C4orf51: variants seen among roughly 807,000 people sequenced by gnomAD.
The protein encoded by C4orf51 is chromosome 4 open reading frame 51.
C4orf51 carries 25 observed loss-of-function variants against 25.2 expected under a neutral mutation model. The ratio of observed to expected loss-of-function variants is 0.99; its 90% CI spans 0.72 to 1.39. The LOEUF (loss-of-function observed/expected upper bound fraction) is 1.39. Ranked by LOEUF, C4orf51 falls within the 40% of genes most tolerant of loss-of-function variation. C4orf51 has a pLI of 0.00. For missense variants in C4orf51, 252 were observed against 239.6 expected (o/e 1.05, Z -0.34); for synonymous variants, 100 against 84.5 (o/e 1.18, Z -1.01).
intron 1 of C4orf51, among the ~76,000 whole-genome samples, chr4:145,683,303 G>T (rs1196889342): frequency 2.6e-5 from 4 of 152,166 alleles, no homozygotes; most frequent in Admixed American, 2.6e-4. Context: ...TAGGAAGACT[G>T]AACATTATCA....
downstream of C4orf51, chr4:145,759,347 C>T (rs1271446497): frequency 6.6e-6 from 1 of 152,208 alleles, no homozygotes; most frequent in African/African-American, 2.4e-5. Context: ...AACCAACCCA[C>T]ACCTGCTTCC....
At position 145,765,922 on chromosome 4, in the gene C4orf51, G is replaced by A. The variant is rs1735218387; in HGVS notation, n.167-5066G>A. Among the ~76,000 whole-genome samples, 2 of 152,142 alleles carry A rather than the reference G, an allele frequency of 1.3e-5. No individual in the cohort carries two copies. Among genetic ancestry groups the A allele is most frequent in the South Asian group, 4.1e-4 (2 of 4,832 alleles). Reference sequence around the variant, plus strand: ...AGGCACCTACCTCCTTTGTGGTACTGGGGGCCAAGAGCAGGCATTCATTAA... The same window carrying A: ...AGGCACCTACCTCCTTTGTGGTACTAGGGGCCAAGAGCAGGCATTCATTAA... On this transcript the variant is annotated intron_variant and non_coding_transcript_variant, in intron 1 of 1. Coordinates refer to the C4orf51 transcript ENST00000510096. The surrounding 1 kb of genome is among the most constrained non-coding windows in gnomAD (Gnocchi z 4.7).
At chr4:145,744,567 A>C (rs1184840016) in intron 1 of C4orf51, among the ~76,000 whole-genome samples, 1 of 151,788 alleles carries the variant, frequency 6.6e-6, no homozygotes, top group African/African-American at 2.4e-5. Flanking sequence ...CACACCTCTA[A>C]TCCCAGCACT....
intron 1 of C4orf51, among the ~76,000 whole-genome samples, chr4:145,742,957 A>G (rs1174506888): frequency 1.3e-5 from 2 of 152,218 alleles, no homozygotes; most frequent in African/African-American, 2.4e-5. Flanking sequence ...TATTTGGCAG[A>G]TAAAATAAAC....
chr4:145,709,064 T>C (rs1730991549), intron 2 of C4orf51, among the ~76,000 whole-genome samples: 2 of 152,290 alleles, frequency 1.3e-5, no homozygotes, highest in South Asian at 4.1e-4. Context: ...GAAGCCTTCA[T>C]ATGCTCACAA....
chr4:145,747,615 AAGATTTTTTCATCAATATCAGTG>A (rs1444199521), intron 1 of C4orf51, among the ~76,000 whole-genome samples: 127 of 152,046 alleles, frequency 8.4e-4, no homozygotes, highest in African/African-American at 2.9e-3. Flanking sequence ...TGTTTTGTTG[AAGATTTTTTCATCAATATCAGTG>A]ACATTGATCT....
At chr4:145,724,698 A>C (rs1054617363) in intron 2 of C4orf51, among the ~76,000 whole-genome samples, 1 of 152,048 alleles carries the variant, frequency 6.6e-6, no homozygotes, top group African/African-American at 2.4e-5. Flanking sequence ...CCTGGGTAAT[A>C]GAGTGAGAAC....
At chr4:145,739,854 A>G (rs1007033199) in intron 1 of C4orf51, among the ~76,000 whole-genome samples, 1 of 152,170 alleles carries the variant, frequency 6.6e-6, no homozygotes, top group Non-Finnish European at 1.5e-5. Context: ...TTGAGCTCCT[A>G]GTTGTTAGAT....
At position 145,765,053 on chromosome 4, in the gene C4orf51, G is replaced by C; in HGVS notation, n.167-5935G>C. ...CCAGCAGCTGTTCGGGGGTCTTCAT[G>C]AACTTGTGGCACACATCACACTCAA... On this transcript the variant is annotated intron_variant and non_coding_transcript_variant, in intron 1 of 1. Transcript: ENST00000510096. This position sits in a 1 kb window ranked among gnomAD's most constrained non-coding sequence, Gnocchi z 4.7. 1 of 1,614,232 alleles carries C rather than the reference G, an allele frequency of 6.2e-7. No homozygotes were observed. Among genetic ancestry groups the C allele is most frequent in the Non-Finnish European group, 8.5e-7 (1 of 1,180,044 alleles).
intron 2 of C4orf51, among the ~76,000 whole-genome samples, chr4:145,706,963 G>A (rs994060142): frequency 2.6e-5 from 4 of 151,690 alleles, no homozygotes; most frequent in East Asian, 1.9e-4. Flanking sequence ...AGGTGCCCAC[G>A]ACCACGCCCG....
At chr4:145,785,475 T>G in the C4orf51 span, among the ~76,000 whole-genome samples, 1 of 152,166 alleles carries the variant, frequency 6.6e-6, no homozygotes, top group Non-Finnish European at 1.5e-5. Flanking sequence ...AGATCCAATT[T>G]GTTCATTTTC....
chr4:145,688,047 C>CG lies in C4orf51; in HGVS notation c.233+7611_233+7612insG, dbSNP rs1553961803. Among the ~76,000 whole-genome samples, 30 of 151,076 alleles carry CG rather than the reference C, an allele frequency of 2.0e-4. No homozygotes were observed. The South Asian group carries it at 6.1e-3, about 31-fold the overall frequency. On this transcript the variant is annotated intron_variant, in intron 1 of 5. Transcript: ENST00000438731. ...AGTGAGACTTCATCTCTGCAAAAATCAAAAAAATAGCCAGGTGGTGGTATA... is the reference window on the plus strand; with the variant it reads ...AGTGAGACTTCATCTCTGCAAAAATCGAAAAAAATAGCCAGGTGGTGGTATA...
At chr4:145,715,743 A>G (rs933555297) in intron 2 of C4orf51, among the ~76,000 whole-genome samples, 3 of 152,168 alleles carry the variant, frequency 2.0e-5, no homozygotes, top group East Asian at 1.9e-4. Flanking sequence ...TCTTGATGGT[A>G]GCCCCAATGG....
the C4orf51 span, among the ~76,000 whole-genome samples, chr4:145,789,443 GGACT>G: frequency 6.6e-6 from 1 of 152,060 alleles, no homozygotes; most frequent in Admixed American, 6.5e-5. Context: ...TATTTATGGA[GGACT>G]GACCACTGCA....
downstream of C4orf51, among the ~76,000 whole-genome samples, chr4:145,733,535 C>T (rs1415014897): frequency 6.6e-6 from 1 of 152,220 alleles, no homozygotes; most frequent in South Asian, 2.1e-4. Context: ...CCTCCCCAGC[C>T]CCGCTCTCTG....
At chr4:145,748,136 A>T (rs1733473728) in intron 1 of C4orf51, among the ~76,000 whole-genome samples, 1 of 151,778 alleles carries the variant, frequency 6.6e-6, no homozygotes, top group South Asian at 2.1e-4. Flanking sequence ...TGCATCTAGA[A>T]CTTTATCCAT....
downstream of C4orf51, among the ~76,000 whole-genome samples, chr4:145,771,291 C>T (rs1377224726): frequency 7.2e-5 from 11 of 152,098 alleles, 1 homozygote; most frequent in South Asian, 4.2e-4. Flanking sequence ...TTCATTTGTG[C>T]TTTATTTTAT....
chr4:145,783,799 G>C, the C4orf51 span, among the ~76,000 whole-genome samples: 2 of 152,214 alleles, frequency 1.3e-5, no homozygotes, highest in Non-Finnish European at 2.9e-5. Context: ...CCCAAGGATG[G>C]AGAAAGGGAA....
At chr4:145,710,403 T>C (rs1289174668) in intron 2 of C4orf51, among the ~76,000 whole-genome samples, 1 of 152,080 alleles carries the variant, frequency 6.6e-6, no homozygotes, top group Non-Finnish European at 1.5e-5. Flanking sequence ...GCTTCTGGGG[T>C]ATTGTGTTCC....
Sources: allele counts gnomAD v4.1 joint callset (sites outside exome capture counted in the v4.1 genomes callset), GRCh38; gene constraint gnomAD v4.1.1; non-coding constraint Gnocchi (gnomAD v3.1); transcripts MANE v1.5; gene names NCBI Gene and HGNC (gene_info 2026-07-23, HGNC 2026-07-21).